Variants in PDE7B observed in about 807,000 individuals in gnomAD.
PDE7B encodes 3',5'-cyclic-AMP phosphodiesterase 7B.
PDE7B carries 29 observed loss-of-function variants against 56.2 expected under a neutral mutation model. The observed-to-expected ratio is 0.52, with a 90% CI of 0.38 to 0.70. PDE7B has a LOEUF of 0.70. PDE7B is among the 30% of genes least tolerant of loss of function. The probability of loss-of-function intolerance (pLI) is 0.00; values close to 1 mark genes in which losing one functional copy is unlikely to be tolerated. For synonymous variants in PDE7B, 197 were observed against 196.9 expected (o/e 1.00, Z 0.00); for missense variants, 490 against 565.0 (o/e 0.87, Z 1.35).
chr6:136,052,418 G>A (rs1490442173), intron 2 of PDE7B, among the ~76,000 whole-genome samples: 2 of 152,238 alleles, frequency 1.3e-5, no homozygotes, highest in Admixed American at 1.3e-4. Flanking sequence ...CTCCTGAAGA[G>A]TTGAAGTAAA....
chr6:136,058,181 T>C (rs1776771709), intron 2 of PDE7B, among the ~76,000 whole-genome samples: 1 of 152,156 alleles, frequency 6.6e-6, no homozygotes, highest in South Asian at 2.1e-4. Context: ...AACTCAAAAA[T>C]CAGGGGTTTT....
At chr6:136,081,849 ATTTG>A (rs988224241) in intron 2 of PDE7B, among the ~76,000 whole-genome samples, 31 of 152,224 alleles carry the variant, frequency 2.0e-4, no homozygotes, top group Non-Finnish European at 2.8e-4. Flanking sequence ...TTATGTTTTT[ATTTG>A]TTTGTTTGCT....
chr6:136,082,539 A>C (rs1382915935), intron 2 of PDE7B, among the ~76,000 whole-genome samples: 1 of 152,224 alleles, frequency 6.6e-6, no homozygotes, highest in African/African-American at 2.4e-5. Flanking sequence ...AGCCTGGACC[A>C]CAAAAAAGAT....
intron 3 of PDE7B, among the ~76,000 whole-genome samples, chr6:136,131,163 A>G (rs1583897813): frequency 1.3e-5 from 2 of 152,226 alleles, no homozygotes; most frequent in Non-Finnish European, 2.9e-5. Context: ...CAAATAGCCA[A>G]TTCATTCCTC....
chr6:136,092,748 C>T (rs190256700), intron 2 of PDE7B, among the ~76,000 whole-genome samples: 92 of 151,988 alleles, frequency 6.1e-4, no homozygotes, highest in Admixed American at 5.0e-3. Flanking sequence ...ACAACAAGAG[C>T]GAGACTGTCT....
At position 136,046,870 on chromosome 6, in the gene PDE7B, G is replaced by A. The variant is rs747235128; in HGVS notation, c.83-61861G>A. Among the ~76,000 whole-genome samples the A allele has an allele frequency of 4.6e-5, 7 of 152,008 alleles. No homozygotes were observed. The East Asian group carries it at 7.7e-4, about 17-fold the overall frequency. On this transcript the variant is annotated intron_variant, in intron 2 of 12. Coordinates refer to ENST00000308191, the MANE Select transcript of PDE7B (RefSeq NM_018945.4). ...CAAACTCACACACAAAACAAAACCC[G>A]AAAACCTGTTACTCTGAAGGCCAAA... is the stretch of plus-strand genomic sequence containing the variant.
chr6:135,970,385 C>A (rs1272791656), intron 2 of PDE7B, among the ~76,000 whole-genome samples: 1 of 151,838 alleles, frequency 6.6e-6, no homozygotes, highest in African/African-American at 2.4e-5. Context: ...ATGGGATGAA[C>A]AAGAGGAGAA....
At chr6:136,184,979 C>T (rs114889397) in intron 11 of PDE7B, among the ~76,000 whole-genome samples, 133 of 152,206 alleles carry the variant, frequency 8.7e-4, no homozygotes, top group African/African-American at 3.0e-3. Flanking sequence ...AGGGAGAAGT[C>T]AAAGACAACT....
At position 136,008,178 on chromosome 6, in the gene PDE7B, G is replaced by A. The variant is rs567494258; in HGVS notation, c.82+60654G>A. On this transcript the variant is annotated intron_variant, in intron 2 of 12. Coordinates refer to ENST00000308191, the MANE Select transcript of PDE7B (RefSeq NM_018945.4). Reference sequence around the variant, plus strand: ...GGACATGAACTCATCATTTTTTACGGCTGCATAGTATTCCATGGTGTATAT... The same window carrying A: ...GGACATGAACTCATCATTTTTTACGACTGCATAGTATTCCATGGTGTATAT... 4.3e-3 allele frequency among the ~76,000 whole-genome samples: 660 copies of A among 152,042 alleles called. 8 individuals are homozygous for A. The highest frequency in any genetic ancestry group is 0.015 in the African/African-American group (627 of 41,480).
intron 2 of PDE7B, among the ~76,000 whole-genome samples, chr6:136,024,168 T>G (rs774571828): frequency 3.9e-4 from 59 of 152,334 alleles, no homozygotes; most frequent in Middle Eastern, 3.4e-3. Flanking sequence ...GGCTATATAT[T>G]TAGATCACAC....
At chr6:135,939,566 G>A (rs1364354293) in intron 1 of PDE7B, among the ~76,000 whole-genome samples, 3 of 152,228 alleles carry the variant, frequency 2.0e-5, no homozygotes, top group Non-Finnish European at 4.4e-5. Context: ...GCTGAGGGCT[G>A]CCACAGTGTG....
intron 2 of PDE7B, among the ~76,000 whole-genome samples, chr6:136,009,927 T>C (rs893965152): frequency 6.6e-6 from 1 of 152,198 alleles, no homozygotes; most frequent in Non-Finnish European, 1.5e-5. Flanking sequence ...TTTTGAATGG[T>C]TTTTCATTCC....
At chr6:135,960,549 G>C (rs755544042) in intron 2 of PDE7B, among the ~76,000 whole-genome samples, 8 of 152,132 alleles carry the variant, frequency 5.3e-5, no homozygotes, top group Non-Finnish European at 8.8e-5. Flanking sequence ...TAATTCTCCT[G>C]CTATTCATTT....
At chr6:136,181,428 A>C in intron 11 of PDE7B, 105 bp downstream of exon 11, 1 of 748,048 alleles carries the variant, frequency 1.3e-6, no homozygotes, top group Non-Finnish European at 2.4e-6. Context: ...TTGTTCTCTC[A>C]TCAACTCTTG....
chr6:136,053,762 G>A (rs958149952), intron 2 of PDE7B, among the ~76,000 whole-genome samples: 1 of 152,116 alleles, frequency 6.6e-6, no homozygotes, highest in Admixed American at 6.5e-5. Flanking sequence ...TAACTGGTGT[G>A]AGATGGTATC....
chr6:136,177,068 A>G (rs926852588), intron 9 of PDE7B, among the ~76,000 whole-genome samples: 4 of 132,472 alleles, frequency 3.0e-5, no homozygotes, highest in African/African-American at 1.7e-4. Context: ...CTTTTAGAAT[A>G]TGATGTAGGG....
At chr6:135,879,152 C>T (rs764751986) in intron 1 of PDE7B, among the ~76,000 whole-genome samples, 19 of 152,048 alleles carry the variant, frequency 1.2e-4, no homozygotes, top group East Asian at 1.9e-4. Flanking sequence ...AGTTATTGGA[C>T]GCCTCCCATG....
intron 9 of PDE7B, among the ~76,000 whole-genome samples, chr6:136,174,466 C>A (rs1778945361): frequency 6.6e-6 from 1 of 152,088 alleles, no homozygotes; most frequent in South Asian, 2.1e-4. Flanking sequence ...ATTTGATAGC[C>A]ATGGTATGTA....
At chr6:136,044,704 T>G (rs1188018472) in intron 2 of PDE7B, 1 of 152,228 alleles carries the variant, frequency 6.6e-6, no homozygotes, top group Non-Finnish European at 1.5e-5. Flanking sequence ...AAATAATTAC[T>G]CTGTTCATGC....
Sources: gnomAD v4.1 joint callset for allele counts (sites outside exome capture counted in the v4.1 genomes callset) on GRCh38, gnomAD v4.1.1 for gene constraint, MANE v1.5 for transcripts, NCBI Gene and HGNC (gene_info 2026-07-23, HGNC 2026-07-21) for gene names.